IL1RAPL1: variants seen among roughly 807,000 people sequenced by gnomAD.
IL1RAPL1 encodes interleukin-1 receptor accessory protein-like 1.
In IL1RAPL1, 3 loss-of-function variants were observed where a neutral mutation model predicts 48.4. The observed-to-expected ratio is 0.06, with a 90% CI of 0.03 to 0.16. IL1RAPL1 has a LOEUF of 0.16. Among genes scored for constraint, IL1RAPL1 ranks in the 10% least tolerant of loss-of-function variants. IL1RAPL1 has a pLI of 1.00. For missense variants in IL1RAPL1, 349 were observed against 530.6 expected (o/e 0.66, Z 3.36); for synonymous variants, 185 against 187.7 (o/e 0.99, Z 0.12).
intron 6 of IL1RAPL1, among the ~76,000 whole-genome samples, chrX:29,897,472 C>T (rs1932408752): frequency 8.9e-6 from 1 of 111,805 alleles, no homozygotes; most frequent in South Asian, 3.7e-4. Context: ...TTTAGCTGTA[C>T]TAAAAGAGCT....
chrX:29,836,325 G>C (rs1428301420), intron 6 of IL1RAPL1, among the ~76,000 whole-genome samples: 3 of 108,620 alleles, frequency 2.8e-5, no homozygotes, highest in African/African-American at 1.0e-4. Context: ...CGAGTAGCTG[G>C]GATTACAGGT....
chrX:28,808,111 A>G (rs1936752085), intron 2 of IL1RAPL1, among the ~76,000 whole-genome samples: 1 of 111,468 alleles, frequency 9.0e-6, no homozygotes, highest in Non-Finnish European at 1.9e-5. Flanking sequence ...TTTTCCTCGC[A>G]GTAGATTGAG....
intron 2 of IL1RAPL1, among the ~76,000 whole-genome samples, chrX:29,120,146 C>T (rs1022671279): frequency 7.2e-5 from 8 of 111,860 alleles, no homozygotes; most frequent in Non-Finnish European, 9.4e-5. Context: ...TAGTTTAGTT[C>T]GGTCCTACTT....
intron 5 of IL1RAPL1, among the ~76,000 whole-genome samples, chrX:29,405,212 T>G (rs999348062): frequency 2.8e-5 from 3 of 109,053 alleles, no homozygotes; most frequent in African/African-American, 6.8e-5. Flanking sequence ...GCGCCCAGTC[T>G]GGATGTAGAA....
chrX:29,063,352 G>A (rs2147434723), intron 2 of IL1RAPL1, among the ~76,000 whole-genome samples: 1 of 111,181 alleles, frequency 9.0e-6, no homozygotes, highest in Admixed American at 9.6e-5. Flanking sequence ...TATTTTCTAT[G>A]TAGGTGTAAT....
At chrX:29,704,017 G>A (rs922810451) in intron 6 of IL1RAPL1, among the ~76,000 whole-genome samples, 2 of 111,158 alleles carry the variant, frequency 1.8e-5, no homozygotes, top group African/African-American at 6.5e-5. Flanking sequence ...CAAACTCCTA[G>A]GCTCAAGCGA....
chrX:28,948,221 T>A (rs1428548154), intron 2 of IL1RAPL1, among the ~76,000 whole-genome samples: 1 of 111,746 alleles, frequency 8.9e-6, no homozygotes, highest in Non-Finnish European at 1.9e-5. Context: ...ATTGAAGTTA[T>A]TATGTAAAAT....
intron 2 of IL1RAPL1, among the ~76,000 whole-genome samples, chrX:29,032,995 C>T (rs186396550): frequency 2.5e-4 from 28 of 111,674 alleles, no homozygotes; most frequent in African/African-American, 8.8e-4. Context: ...TTCATTAGGT[C>T]GTATGAGAAT....
chrX:28,940,233 C>T (rs1038981845), intron 2 of IL1RAPL1, among the ~76,000 whole-genome samples: 1 of 110,917 alleles, frequency 9.0e-6, no homozygotes, highest in Non-Finnish European at 1.9e-5. Context: ...TTATGTGGCT[C>T]TCAAGGTACT....
chrX:29,648,735 A>G (rs1602345295), intron 5 of IL1RAPL1, among the ~76,000 whole-genome samples: 1 of 111,601 alleles, frequency 9.0e-6, no homozygotes. Context: ...TAGAAAAACA[A>G]GTAGAAACTC....
intron 5 of IL1RAPL1, among the ~76,000 whole-genome samples, chrX:29,522,070 A>G (rs1333089022): frequency 8.9e-6 from 1 of 112,183 alleles, no homozygotes; most frequent in Middle Eastern, 4.2e-3. Context: ...ACAGAATTGC[A>G]TATCATTTAA....
chrX:29,787,897 G>T (rs769247930), intron 6 of IL1RAPL1, among the ~76,000 whole-genome samples: 5 of 111,861 alleles, frequency 4.5e-5, no homozygotes, highest in Non-Finnish European at 7.5e-5. Context: ...GGTCATATTG[G>T]CTAATACAAA....
chrX:28,729,605 T>C (rs941457733), intron 1 of IL1RAPL1, among the ~76,000 whole-genome samples: 1 of 111,017 alleles, frequency 9.0e-6, no homozygotes, highest in African/African-American at 3.3e-5. Context: ...ATTCTAGATA[T>C]AGTTGCCCAA....
intron 2 of IL1RAPL1, among the ~76,000 whole-genome samples, chrX:29,174,226 G>A (rs1193967073): frequency 9.0e-6 from 1 of 111,431 alleles, no homozygotes; most frequent in Non-Finnish European, 1.9e-5. Context: ...GCCCGCCACA[G>A]TCAACAAGTT....
chrX:29,490,051 G>C (rs920124556), intron 5 of IL1RAPL1, among the ~76,000 whole-genome samples: 1 of 110,967 alleles, frequency 9.0e-6, no homozygotes, highest in Non-Finnish European at 1.9e-5. Flanking sequence ...TTGTTTAACA[G>C]TTTTTCTGAC....
At chrX:28,965,470 T>C (rs1280224857) in intron 2 of IL1RAPL1, among the ~76,000 whole-genome samples, 1 of 111,692 alleles carries the variant, frequency 9.0e-6, no homozygotes, top group Non-Finnish European at 1.9e-5. Context: ...AGTTTTTTGC[T>C]CCCCTTAATT....
At chrX:29,070,891 C>G (rs1312397042) in intron 2 of IL1RAPL1, among the ~76,000 whole-genome samples, 1 of 111,119 alleles carries the variant, frequency 9.0e-6, no homozygotes, top group African/African-American at 3.3e-5. Flanking sequence ...TTATTTGTGT[C>G]TTTTCTTACA....
chrX:28,680,719 T>C (rs1343307247), intron 1 of IL1RAPL1, among the ~76,000 whole-genome samples: 2 of 112,183 alleles, frequency 1.8e-5, no homozygotes, highest in African/African-American at 6.5e-5. Context: ...ATTGAGATGA[T>C]CATGTAGTTT....
chrX:29,752,315 G>C (rs1179752119), intron 6 of IL1RAPL1, among the ~76,000 whole-genome samples: 1 of 106,559 alleles, frequency 9.4e-6, no homozygotes, highest in Non-Finnish European at 1.9e-5. Context: ...GGCCAACATG[G>C]TGAAACCCTG....
Sources: gnomAD v4.1 joint callset for allele counts (sites outside exome capture counted in the v4.1 genomes callset) on GRCh38, gnomAD v4.1.1 for gene constraint, MANE v1.5 for transcripts, NCBI Gene and HGNC (gene_info 2026-07-23, HGNC 2026-07-21) for gene names.